GALNT10: variants seen among roughly 807,000 people sequenced by gnomAD.
The protein encoded by GALNT10 is polypeptide N-acetylgalactosaminyltransferase 10.
In GALNT10, 41 loss-of-function variants were observed where a neutral mutation model predicts 75.0. The ratio of observed to expected loss-of-function variants is 0.55; its 90% confidence interval spans 0.43 to 0.71. The LOEUF is 0.71. Among genes scored for constraint, GALNT10 ranks in the 30% least tolerant of loss-of-function variants. The pLI is 0.00. For missense variants in GALNT10, 727 were observed against 818.5 expected (o/e 0.89, Z 1.36); for synonymous variants, 302 against 313.0 (o/e 0.96, Z 0.37).
At chr5:154,216,362 G>C (rs1752871413) in intron 1 of GALNT10, among the ~76,000 whole-genome samples, 1 of 152,094 alleles carries the variant, frequency 6.6e-6, no homozygotes, top group Admixed American at 6.5e-5. Flanking sequence ...TGAGATTATA[G>C]GGCAGGCTGT....
intron 4 of GALNT10, among the ~76,000 whole-genome samples, chr5:154,333,514 C>A (rs1258614658): frequency 1.3e-5 from 2 of 152,152 alleles, no homozygotes; most frequent in Non-Finnish European, 2.9e-5. Flanking sequence ...CTCTAAATAT[C>A]CCAATTTCCT....
intron 4 of GALNT10, among the ~76,000 whole-genome samples, chr5:154,372,070 T>C (rs1187297697): frequency 1.3e-5 from 2 of 152,208 alleles, no homozygotes; most frequent in Non-Finnish European, 2.9e-5. Flanking sequence ...ATGTTTGCAG[T>C]GATTCTTAAT....
chr5:154,278,102 TGGAAAA>T (rs1038634080), intron 1 of GALNT10, among the ~76,000 whole-genome samples: 28 of 152,238 alleles, frequency 1.8e-4, no homozygotes, highest in African/African-American at 6.8e-4. Context: ...AACCTTCCTT[TGGAAAA>T]TGTTAACATA....
rs70978535 is a variant in GALNT10, at chr5:154,310,449, T to TTTTG, written c.401+12398_401+12401dup. Among the ~76,000 whole-genome samples, 248 of 125,262 alleles carry TTTTG rather than the reference T, an allele frequency of 2.0e-3. No individual in the cohort carries two copies. The South Asian group carries it at 0.023, about 11-fold the overall frequency. The allele number at this position is 125,262 out of a possible 152,430, so 82.2% of individuals were successfully genotyped here. On this transcript the variant is annotated intron_variant, in intron 3 of 11. Transcript: ENST00000297107. ...ATCACTGGGTTTTTTTTGTTTTTTTTTTTGTTTGTTTGTTTGTTTGTTTGT... is the reference window on the plus strand; with the variant it reads ...ATCACTGGGTTTTTTTTGTTTTTTTTTTTGTTTGTTTGTTTGTTTGTTTGTTTGT...
chr5:154,419,404 G>A lies in GALNT10; in HGVS notation c.*2432G>A, dbSNP rs982483127. 1.3e-5 allele frequency: 2 copies of A among 152,180 alleles called. No homozygotes were observed. The highest frequency in any genetic ancestry group is 4.8e-5 in the African/African-American group (2 of 41,432). The allele number at this position is 152,180 out of a possible 1,614,324, so 9.4% of individuals were successfully genotyped here. ...CATGTTTGTCCTGTTTCTCACCATT[G>A]GGTTAAGGGGTGCCGAGCACTAGCT... is the stretch of plus-strand genomic sequence containing the variant. On this transcript the variant is annotated 3_prime_UTR_variant, in exon 12 of 12. Coordinates refer to ENST00000297107, the MANE Select transcript of GALNT10 (RefSeq NM_198321.4).
At chr5:154,379,189 G>C (rs1412815845) in intron 5 of GALNT10, among the ~76,000 whole-genome samples, 1 of 152,154 alleles carries the variant, frequency 6.6e-6, no homozygotes, top group Non-Finnish European at 1.5e-5. Context: ...TCTCAATCCA[G>C]TACACAGATG....
chr5:154,206,395 T>G (rs1471654972), intron 1 of GALNT10, among the ~76,000 whole-genome samples: 1 of 152,242 alleles, frequency 6.6e-6, no homozygotes, highest in Non-Finnish European at 1.5e-5. Context: ...GGGGGATTAC[T>G]ATGTGATAGA....
intron 1 of GALNT10, among the ~76,000 whole-genome samples, chr5:154,289,595 G>C (rs6883228): frequency 0.18 from 26,826 of 152,144 alleles, 2,474 homozygotes; most frequent in African/African-American, 0.2. Flanking sequence ...ATTCTACTCT[G>C]TTAGCCTCAG....
At chr5:154,375,837 C>T (rs1340912487) in intron 4 of GALNT10, among the ~76,000 whole-genome samples, 1 of 152,148 alleles carries the variant, frequency 6.6e-6, no homozygotes, top group Non-Finnish European at 1.5e-5. Flanking sequence ...TCACTGTGGC[C>T]AAGGGAATGG....
At chr5:154,266,665 A>G (rs1448927096) in intron 1 of GALNT10, among the ~76,000 whole-genome samples, 1 of 151,842 alleles carries the variant, frequency 6.6e-6, no homozygotes, top group Non-Finnish European at 1.5e-5. Context: ...CCTTGAGACC[A>G]GGAGTTCAAG....
chr5:154,283,278 TAAAA>T (rs59422213), intron 1 of GALNT10, among the ~76,000 whole-genome samples: 1 of 79,508 alleles, frequency 1.3e-5, no homozygotes. Flanking sequence ...ACCTCGTCTG[TAAAA>T]AAAAAAAAAA....
intron 7 of GALNT10, among the ~76,000 whole-genome samples, chr5:154,396,257 T>C (rs1756017252): frequency 6.7e-6 from 1 of 149,992 alleles, no homozygotes; most frequent in South Asian, 2.1e-4. Flanking sequence ...TGTTTGGGGT[T>C]TCAACAGTCA....
At chr5:154,414,051 ATTAG>A (rs1756454480) in intron 10 of GALNT10, among the ~76,000 whole-genome samples, 1 of 152,248 alleles carries the variant, frequency 6.6e-6, no homozygotes, top group Admixed American at 6.5e-5. Context: ...GCTGAATTTC[ATTAG>A]TTAATAGAGA....
chr5:154,400,793 A>G (rs753604442), intron 7 of GALNT10, among the ~76,000 whole-genome samples: 13 of 152,026 alleles, frequency 8.6e-5, no homozygotes, highest in Admixed American at 5.9e-4. Flanking sequence ...AGGGGAGTCA[A>G]TGGGTGTGGT....
chr5:154,409,924 A>G lies in GALNT10; in HGVS notation c.1386+162A>G, dbSNP rs1042151533. Among the ~76,000 whole-genome samples the G allele has an allele frequency of 2.6e-5, 4 of 152,150 alleles. No homozygotes were observed. The highest frequency in any genetic ancestry group is 9.7e-5 in the African/African-American group (4 of 41,432). On this transcript the variant is annotated intron_variant, in intron 9 of 11. Coordinates refer to ENST00000297107, the MANE Select transcript of GALNT10 (RefSeq NM_198321.4). This position sits in a 1 kb window ranked among gnomAD's most constrained non-coding sequence, Gnocchi z 4.5. ...TCTCTCTCTAGCCTTGTCATGGTGT[A>G]TTTTTACTTGTTAGTTAGTGTTCTC...
intron 1 of GALNT10, among the ~76,000 whole-genome samples, chr5:154,262,995 T>C (rs1561644152): frequency 6.6e-6 from 1 of 152,034 alleles, no homozygotes; most frequent in African/African-American, 2.4e-5. Context: ...AGACAGACAA[T>C]AACAAGTGTT....
intron 9 of GALNT10, among the ~76,000 whole-genome samples, chr5:154,410,412 C>T (rs546689675): frequency 6.6e-6 from 1 of 150,962 alleles, no homozygotes; most frequent in Non-Finnish European, 1.5e-5. Flanking sequence ...ATTAGCCAGG[C>T]GTAATGGTAT....
intron 1 of GALNT10, among the ~76,000 whole-genome samples, chr5:154,252,970 TTTTG>T (rs59548513): frequency 0.39 from 55,287 of 142,094 alleles, 13,206 homozygotes; most frequent in East Asian, 0.75. Flanking sequence ...ATTAACTGTT[TTTTG>T]TTTGTTTGGT....
At chr5:154,207,800 A>T (rs1429287691) in intron 1 of GALNT10, among the ~76,000 whole-genome samples, 1 of 152,148 alleles carries the variant, frequency 6.6e-6, no homozygotes, top group African/African-American at 2.4e-5. Flanking sequence ...TCCTGGCCCC[A>T]GGAGTGGGGC....
Sources: allele counts gnomAD v4.1 joint callset (sites outside exome capture counted in the v4.1 genomes callset), GRCh38; gene constraint gnomAD v4.1.1; non-coding constraint Gnocchi (gnomAD v3.1); transcripts MANE v1.5; gene names NCBI Gene and HGNC (gene_info 2026-07-23, HGNC 2026-07-21).